VKORC1L1: variants seen among roughly 807,000 people sequenced by gnomAD.
VKORC1L1 encodes vitamin K epoxide reductase complex subunit 1-like protein 1.
In VKORC1L1, 2 loss-of-function variants were observed where a neutral mutation model predicts 18.9. The observed-to-expected ratio is 0.11, with a 90% CI of 0.04 to 0.33. The LOEUF (loss-of-function observed/expected upper bound fraction) is 0.33. Among genes scored for constraint, VKORC1L1 ranks in the 10% least tolerant of loss-of-function variants. VKORC1L1 has a pLI of 1.00. For missense variants in VKORC1L1, 123 were observed against 224.1 expected (o/e 0.55, Z 2.88); for synonymous variants, 96 against 100.0 (o/e 0.96, Z 0.24).
intron 1 of VKORC1L1, among the ~76,000 whole-genome samples, chr7:65,905,079 A>C (rs757933207): frequency 6.6e-6 from 1 of 152,220 alleles, no homozygotes; most frequent in Admixed American, 6.5e-5. Context: ...ACACATATGC[A>C]TACAAATGCA....
intron 1 of VKORC1L1, among the ~76,000 whole-genome samples, chr7:65,947,552 A>T (rs2115732420): frequency 6.6e-6 from 1 of 152,326 alleles, no homozygotes; most frequent in Non-Finnish European, 1.5e-5. Flanking sequence ...ATTTAAAAAA[A>T]ATCAGGTTTT....
intron 2 of VKORC1L1, among the ~76,000 whole-genome samples, chr7:65,952,103 A>G (rs930278706): frequency 2.6e-5 from 4 of 152,294 alleles, no homozygotes; most frequent in African/African-American, 7.2e-5. Flanking sequence ...TGTTATCCCA[A>G]TTTTACAGTT....
chr7:65,941,228 TC>T (rs1790027564), intron 1 of VKORC1L1, among the ~76,000 whole-genome samples: 1 of 152,130 alleles, frequency 6.6e-6, no homozygotes, highest in Non-Finnish European at 1.5e-5. Flanking sequence ...TGATCAGCCT[TC>T]CAAGTAGCTG....
Position 65,873,420 on chromosome 7 carries a change from G to A in VKORC1L1, c.49G>A (p.Val17Met). Residue 17 changes from valine to methionine, a missense_variant, in exon 1 of 3, where the codon GTG becomes ATG. Physicochemically the swap from Val to Met is conservative, Grantham distance 21 (BLOSUM62 1). This residue lies in a region of VKORC1L1 where 60 missense variants were observed against 76.9 expected (regional missense o/e 0.78). Coordinates refer to ENST00000360768, the MANE Select transcript of VKORC1L1 (RefSeq NM_173517.6). ...LRVSVPRWER[V>M]ARYAVCAAGI... is the part of the protein sequence containing the mutation. ...AGTGTCGGTGCCGCGGTGGGAGCGGGTGGCCCGGTATGCAGTGTGCGCTGC... is the reference window on the plus strand; with the variant it reads ...AGTGTCGGTGCCGCGGTGGGAGCGGATGGCCCGGTATGCAGTGTGCGCTGC... 1 of 1,579,738 alleles carries A rather than the reference G, an allele frequency of 6.3e-7. No homozygotes were observed. The highest frequency in any genetic ancestry group is 2.4e-5 in the East Asian group (1 of 41,578).
intron 1 of VKORC1L1, among the ~76,000 whole-genome samples, chr7:65,915,405 T>C (rs1004183203): frequency 6.6e-6 from 1 of 151,298 alleles, no homozygotes; most frequent in Non-Finnish European, 1.5e-5. Context: ...TGAGCTTATT[T>C]TCTGAACTCT....
chr7:65,947,482 G>T (rs1229697880), intron 1 of VKORC1L1, among the ~76,000 whole-genome samples: 3 of 149,968 alleles, frequency 2.0e-5, no homozygotes, highest in African/African-American at 4.9e-5. Context: ...TATCTTTAAA[G>T]GTTTTTTATT....
chr7:65,950,719 G>A (rs943883400), intron 2 of VKORC1L1, among the ~76,000 whole-genome samples: 1 of 152,128 alleles, frequency 6.6e-6, no homozygotes, highest in African/African-American at 2.4e-5. Context: ...AAAGGAAAAA[G>A]GAGATCTATG....
In VKORC1L1 at chr7:65,958,224, TACA is replaced by T. The variant is rs1292079609; in HGVS notation, c.*3926_*3928del. ...GGCTACTTGGTTAAACATTTTTTAC[TACA>T]AATTCGCCCAGAAAAGGTGAAATAT... On this transcript the variant is annotated 3_prime_UTR_variant, in exon 3 of 3. Coordinates refer to ENST00000360768, the MANE Select transcript of VKORC1L1 (RefSeq NM_173517.6). The T allele has an allele frequency of 6.6e-6, 1 of 152,238 alleles. No homozygotes were observed. Among genetic ancestry groups the T allele is most frequent in the African/African-American group, 2.4e-5 (1 of 41,458 alleles). 9.4% of individuals were successfully genotyped at this position (152,238 alleles called of 1,614,324 possible).
At position 65,900,670 on chromosome 7, in the gene VKORC1L1, T is replaced by G. The variant is rs200768499; in HGVS notation, c.194+27105T>G. ...ATACAAATATTAGAACTGGGTGTTGTGGCACATGCCTGTAGTCCCAGCTAC... is the reference window on the plus strand; with the variant it reads ...ATACAAATATTAGAACTGGGTGTTGGGGCACATGCCTGTAGTCCCAGCTAC... On this transcript the variant is annotated intron_variant, in intron 1 of 2. Transcript: ENST00000360768. 3.5e-4 allele frequency among the ~76,000 whole-genome samples: 54 copies of G among 152,166 alleles called. No homozygotes were observed. In the East Asian group the frequency reaches 7.2e-3, roughly 20 times the overall value.
chr7:65,932,222 CAA>C (rs1789869869), intron 1 of VKORC1L1, among the ~76,000 whole-genome samples: 1 of 151,766 alleles, frequency 6.6e-6, no homozygotes, highest in East Asian at 2.0e-4. Flanking sequence ...CTCAGCCTCC[CAA>C]CCAGCTGACA....
intron 1 of VKORC1L1, among the ~76,000 whole-genome samples, chr7:65,929,206 C>G (rs1456195321): frequency 6.6e-6 from 1 of 152,030 alleles, no homozygotes; most frequent in East Asian, 1.9e-4. Flanking sequence ...GTCAGGAGTT[C>G]AAGACCAGCC....
intron 1 of VKORC1L1, among the ~76,000 whole-genome samples, chr7:65,895,516 TAC>T (rs1554395162): frequency 1.4e-4 from 10 of 71,596 alleles, no homozygotes; most frequent in Admixed American, 5.9e-4. Flanking sequence ...TATATATATA[TAC>T]ACACACACAC....
In VKORC1L1 at chr7:65,899,595, G is replaced by A. The variant is rs138067388; in HGVS notation, c.194+26030G>A. Among the ~76,000 whole-genome samples the A allele has an allele frequency of 3.8e-3, 579 of 152,264 alleles. 1 individual carries two copies. The highest frequency in any genetic ancestry group is 6.6e-3 in the Non-Finnish European group (450 of 68,026). ...CTGAGTATCATTAACTGGCACAGAG[G>A]GAGAAAGGCAGGCTCTAGGTGGAAG... On this transcript the variant is annotated intron_variant, in intron 1 of 2. Coordinates refer to ENST00000360768, the MANE Select transcript of VKORC1L1 (RefSeq NM_173517.6).
rs193171310 is a variant in VKORC1L1 at position 65,875,775 on chromosome 7, T to C, written c.194+2210T>C. ...ACACCTCAAGTTAGTTTTTTTTGAG[T>C]GGTGATTGCCATGTAGCAGTAGTAC... On this transcript the variant is annotated intron_variant, in intron 1 of 2. Coordinates refer to ENST00000360768, the MANE Select transcript of VKORC1L1 (RefSeq NM_173517.6). Among the ~76,000 whole-genome samples, 305 of 152,214 alleles carry C rather than the reference T, an allele frequency of 2.0e-3. 3 individuals carry two copies. The highest frequency in any genetic ancestry group is 7.2e-3 in the African/African-American group (298 of 41,548).
At chr7:65,912,935 T>C (rs576062335) in intron 1 of VKORC1L1, among the ~76,000 whole-genome samples, 3 of 152,288 alleles carry the variant, frequency 2.0e-5, no homozygotes, top group Admixed American at 6.5e-5. Context: ...AGTAAACAGT[T>C]CCAGGAGCAG....
At chr7:65,896,602 CTCTTCCTTTTCT>C (rs1265032849) in intron 1 of VKORC1L1, among the ~76,000 whole-genome samples, 2 of 138,230 alleles carry the variant, frequency 1.4e-5, no homozygotes, top group South Asian at 2.5e-4. Flanking sequence ...TTCCCTTTTC[CTCTTCCTTTTCT>C]TCTTCCTCTT....
chr7:65,867,514 G>T, the VKORC1L1 span, among the ~76,000 whole-genome samples: 1 of 152,012 alleles, frequency 6.6e-6, no homozygotes, highest in South Asian at 2.1e-4. Flanking sequence ...TTCACTCGGG[G>T]TGTCTCATGC....
intron 1 of VKORC1L1, among the ~76,000 whole-genome samples, chr7:65,923,156 C>T (rs1450447692): frequency 1.3e-5 from 2 of 152,086 alleles, no homozygotes; most frequent in African/African-American, 4.8e-5. Flanking sequence ...TGCAATGGCA[C>T]TTTGGGAGGC....
At chr7:65,919,421 C>T (rs879874749) in intron 1 of VKORC1L1, among the ~76,000 whole-genome samples, 1 of 152,234 alleles carries the variant, frequency 6.6e-6, no homozygotes, top group Non-Finnish European at 1.5e-5. Context: ...GTGTCCAAAA[C>T]TGAATTCCTG....
Sources: gnomAD v4.1 joint callset for allele counts (sites outside exome capture counted in the v4.1 genomes callset) on GRCh38, gnomAD v4.1.1 for gene constraint, gnomAD v4.1.1 regional missense constraint, MANE v1.5 for transcripts, NCBI Gene and HGNC (gene_info 2026-07-23, HGNC 2026-07-21) for gene names.